ZNF410: variants seen among roughly 807,000 people sequenced by gnomAD.
The protein encoded by ZNF410 is zinc finger protein 410, also known as another partner for ARF 1.
In ZNF410, 18 loss-of-function variants were observed where a neutral mutation model predicts 54.8. The observed-to-expected ratio is 0.33, with a 90% confidence interval of 0.23 to 0.49. ZNF410 has a LOEUF of 0.49. Among genes scored for constraint, ZNF410 ranks in the 20% least tolerant of loss-of-function variants. The pLI is 0.99. For synonymous variants in ZNF410, 191 were observed against 207.3 expected (o/e 0.92, Z 0.68); for missense variants, 405 against 569.6 (o/e 0.71, Z 2.94).
At position 73,899,263 on chromosome 14, in the gene ZNF410, T is replaced by A. The variant is rs74539409; in HGVS notation, c.580+1001T>A. Reference sequence around the variant, plus strand: ...ATTTTGAAACATTAAATCTTTTTTTTTTTTGGTCTTTTTTTTTCCCTTTTT... The same window carrying A: ...ATTTTGAAACATTAAATCTTTTTTTATTTTGGTCTTTTTTTTTCCCTTTTT... On this transcript the variant is annotated intron_variant, in intron 5 of 11. Coordinates refer to ENST00000555044, the MANE Select transcript of ZNF410 (RefSeq NM_021188.3). Among the ~76,000 whole-genome samples the A allele has an allele frequency of 2.6e-3, 398 of 152,084 alleles. 1 individual carries two copies. The highest frequency in any genetic ancestry group is 9.1e-3 in the African/African-American group (377 of 41,466).
chr14:73,930,226 C>G (rs2055891142), intron 11 of ZNF410, among the ~76,000 whole-genome samples: 1 of 152,192 alleles, frequency 6.6e-6, no homozygotes, highest in African/African-American at 2.4e-5. Flanking sequence ...TCTTAACTTT[C>G]CTGCCACACA....
At chr14:73,912,178 T>C (rs1391568592) in intron 8 of ZNF410, among the ~76,000 whole-genome samples, 2 of 151,186 alleles carry the variant, frequency 1.3e-5, no homozygotes, top group East Asian at 3.9e-4. Flanking sequence ...TCTTTTTTTT[T>C]TTTTTTTTTT....
intron 7 of ZNF410, among the ~76,000 whole-genome samples, chr14:73,905,932 CATACAT>C (rs1486976461): frequency 1.1e-4 from 15 of 139,242 alleles, no homozygotes; most frequent in Admixed American, 9.2e-4. Context: ...TATACACATA[CATACAT>C]ATATATACAC....
At chr14:73,894,016 G>T in intron 3 of ZNF410, 84 bp downstream of exon 3, 1 of 1,483,178 alleles carries the variant, frequency 6.7e-7, no homozygotes, top group Non-Finnish European at 9.0e-7. Flanking sequence ...TGAATATATC[G>T]TTTAATAACT....
intron 11 of ZNF410, among the ~76,000 whole-genome samples, chr14:73,926,467 CTG>C (rs2055834822): frequency 1.3e-5 from 2 of 151,974 alleles, no homozygotes; most frequent in African/African-American, 4.8e-5. Context: ...GAGTCTCACT[CTG>C]TGGCCCAGGT....
chr14:73,921,177 G>T, intron 9 of ZNF410, 72 bp downstream of exon 9: 1 of 1,576,358 alleles, frequency 6.3e-7, no homozygotes. Context: ...TGTCCTGCCT[G>T]CTTATCTGGA....
At chr14:73,910,753 C>CAA (rs755623044) in intron 8 of ZNF410, among the ~76,000 whole-genome samples, 25 of 70,806 alleles carry the variant, frequency 3.5e-4, no homozygotes, top group African/African-American at 8.4e-4. Flanking sequence ...AACTCCGTCT[C>CAA]AAAAAAAAAA....
intron 3 of ZNF410, among the ~76,000 whole-genome samples, chr14:73,894,604 T>G (rs1566651225): frequency 2.0e-5 from 3 of 152,020 alleles, no homozygotes; most frequent in Non-Finnish European, 4.4e-5. Flanking sequence ...TTTTTGCATT[T>G]TTAGTAGAAA....
In ZNF410 at chr14:73,892,193, A is replaced by G. The variant is rs375161976; in HGVS notation, c.18A>G (p.Leu6=). 1.9e-6 allele frequency: 3 copies of G among 1,613,886 alleles called. No individual in the cohort carries two copies. The highest frequency in any genetic ancestry group is 2.7e-5 in the African/African-American group (2 of 75,050). MLSDE[L]ESKPELLVQF... ...CTGAATCAATGTTATCAGATGAGTTAGAATCCAAACCAGAGGTGAGCCCAG... is the reference window on the plus strand; with the variant it reads ...CTGAATCAATGTTATCAGATGAGTTGGAATCCAAACCAGAGGTGAGCCCAG... The change falls in exon 2 of 12, where the codon TTA becomes TTG. Residue 6 remains leucine (L), a synonymous_variant. Transcript: ENST00000555044.
intron 11 of ZNF410, among the ~76,000 whole-genome samples, chr14:73,929,872 C>G (rs1017164435): frequency 9.2e-5 from 14 of 152,004 alleles, no homozygotes; most frequent in African/African-American, 3.4e-4. Context: ...CAAGTCACCT[C>G]TCTGGTTCAG....
intron 8 of ZNF410, among the ~76,000 whole-genome samples, chr14:73,918,920 G>T (rs1594763231): frequency 1.4e-5 from 2 of 142,532 alleles, no homozygotes; most frequent in East Asian, 4.4e-4. Context: ...GGATGGTCTT[G>T]ATCTCCTGAC....
chr14:73,908,949 A>G (rs1394283623), intron 7 of ZNF410, among the ~76,000 whole-genome samples: 3 of 152,200 alleles, frequency 2.0e-5, no homozygotes, highest in Admixed American at 6.5e-5. Context: ...CAAAAAAATT[A>G]TACTTTTAGA....
chr14:73,906,039 G>T (rs1291633177), intron 7 of ZNF410, among the ~76,000 whole-genome samples: 1 of 139,030 alleles, frequency 7.2e-6, no homozygotes, highest in Admixed American at 7.5e-5. Context: ...TTGCTCTGTT[G>T]CCAGGCTGGA....
At chr14:73,892,559 T>C (rs1001501101) in intron 2 of ZNF410, among the ~76,000 whole-genome samples, 1 of 151,972 alleles carries the variant, frequency 6.6e-6, no homozygotes, top group African/African-American at 2.4e-5. Flanking sequence ...CAAATTCTTT[T>C]GTTTATTTTA....
At chr14:73,903,034 A>G (rs2055431180) in intron 5 of ZNF410, among the ~76,000 whole-genome samples, 1 of 152,244 alleles carries the variant, frequency 6.6e-6, no homozygotes, top group South Asian at 2.1e-4. Flanking sequence ...GACAAGAAAT[A>G]GCCAAATTCC....
intron 1 of ZNF410, chr14:73,891,734 G>A (rs2055233542): frequency 2.7e-6 from 1 of 365,916 alleles, no homozygotes; most frequent in Non-Finnish European, 4.9e-6. Context: ...TGTATACATT[G>A]CTTCCAGTTG....
intron 5 of ZNF410, 100 bp from the exon 6 acceptor site, chr14:73,903,860 T>G: frequency 6.9e-7 from 1 of 1,448,804 alleles, no homozygotes; most frequent in Non-Finnish European, 9.4e-7. Flanking sequence ...AGATACCTGA[T>G]TAATGATCAC....
chr14:73,909,597 T>C, intron 8 of ZNF410, 167 bp downstream of exon 8: 1 of 467,404 alleles, frequency 2.1e-6, no homozygotes, highest in Non-Finnish European at 3.8e-6. Flanking sequence ...TTAATTCTTA[T>C]AATCAAGGTT....
chr14:73,909,207 T>C (rs776377793), intron 7 of ZNF410, 134 bp from the exon 8 acceptor site: 2 of 726,352 alleles, frequency 2.8e-6, no homozygotes, highest in Non-Finnish European at 4.6e-6. Context: ...GGTAGCCCAG[T>C]TGAAATTATA....
Sources: gnomAD v4.1 joint callset for allele counts (sites outside exome capture counted in the v4.1 genomes callset) on GRCh38, gnomAD v4.1.1 for gene constraint, MANE v1.5 for transcripts, NCBI Gene and HGNC (gene_info 2026-07-23, HGNC 2026-07-21) for gene names.